TRIM16: variants seen among roughly 807,000 people sequenced by gnomAD.
TRIM16 encodes tripartite motif-containing protein 16.
Under a neutral mutation model 50.4 loss-of-function variants are expected in TRIM16, and 33 were observed. That is an observed-to-expected ratio of 0.65 (90% confidence interval 0.50 to 0.88). TRIM16 has a LOEUF of 0.88. TRIM16 is among the 40% of genes least tolerant of loss of function. The probability of loss-of-function intolerance (pLI) is 0.00; values close to 1 mark genes in which losing one functional copy is unlikely to be tolerated. For synonymous variants in TRIM16, 229 were observed against 270.7 expected, an observed-to-expected ratio of 0.85 and a Z score of 1.51; for missense variants, 581 against 686.8, an observed-to-expected ratio of 0.85 and a Z score of 1.72.
intron 10 of TRIM16, 27 bp downstream of exon 10, chr17:15,632,482 T>G (rs1484148513): frequency 6.3e-7 from 1 of 1,597,114 alleles, no homozygotes; most frequent in South Asian, 1.1e-5. Context: ...ACACTCACTA[T>G]AGTCCATGGC....
Position 15,651,613 on chromosome 17 carries a change from G to A in TRIM16, c.-4C>T, listed in dbSNP as rs985572194. The A allele has an allele frequency of 6.2e-7, 1 of 1,612,972 alleles. No individual in the cohort carries two copies. The highest frequency in any genetic ancestry group is 8.5e-7 in the Non-Finnish European group (1 of 1,179,534). ...CCATTAGATCCAACTCAGCCATCTG[G>A]GAGGCTCTGCTCCTAGGCTGTCTTT... On this transcript the variant is annotated 5_prime_UTR_variant, in exon 7 of 12. Coordinates refer to ENST00000649191, the MANE Select transcript of TRIM16 (RefSeq NM_001348119.1).
At chr17:15,663,253 GC>G (rs1158228735) in intron 6 of TRIM16, among the ~76,000 whole-genome samples, 3 of 152,100 alleles carry the variant, frequency 2.0e-5, no homozygotes, top group Admixed American at 2.0e-4. Flanking sequence ...ATTTGCACGT[GC>G]CACTCTCCTC....
chr17:15,636,656 A>T (rs1986762392), intron 8 of TRIM16, among the ~76,000 whole-genome samples: 1 of 141,488 alleles, frequency 7.1e-6, no homozygotes, highest in Admixed American at 6.9e-5. Flanking sequence ...TTGTATAATC[A>T]GCATGAATTA....
rs200260674 is a variant in TRIM16, at chr17:15,628,718, T to C, written c.1592A>G (p.Tyr531Cys). Residue 531 changes from tyrosine (Y) to cysteine (C), a missense_variant, in exon 12 of 12, where the codon TAT becomes TGT. Physicochemically the swap from Tyr to Cys is radical, Grantham distance 194. Around this residue, in one of 3 missense-constraint regions of TRIM16, gnomAD observed 115 missense variants for 106.7 expected, o/e 1.08. Transcript: ENST00000649191. ...KFACKFSEPV[Y>C]AAFWLSKKEN... ...CTTCTTGGAAAGCCAGAAGGCAGCA[T>C]AGACTGGTTCTGAAAATTTGCAGGC... The C allele has an allele frequency of 6.2e-6, 10 of 1,614,178 alleles. No individual in the cohort carries two copies. The highest frequency in any genetic ancestry group is 1.7e-5 in the Admixed American group (1 of 60,024).
At chr17:15,639,047 T>TC (rs1986995127) in intron 8 of TRIM16, among the ~76,000 whole-genome samples, 1 of 82,852 alleles carries the variant, frequency 1.2e-5, no homozygotes, top group African/African-American at 9.6e-5. Flanking sequence ...CTCTCTCTCT[T>TC]TTTTTTTTTT....
At position 15,679,953 on chromosome 17, in the gene TRIM16, A is replaced by G. The variant is rs1192505747; in HGVS notation, c.-590+912T>C. 1.3e-4 allele frequency among the ~76,000 whole-genome samples: 19 copies of G among 148,662 alleles called. No individual in the cohort carries two copies. In the East Asian group the frequency reaches 3.4e-3, roughly 26 times the overall value. ...CTATGTCTCAAAAAAAAAAAAAAAGAAAAAAAGAAATAAGCCAAGCTTGAG... is the reference window on the plus strand; with the variant it reads ...CTATGTCTCAAAAAAAAAAAAAAAGGAAAAAAGAAATAAGCCAAGCTTGAG... On this transcript the variant is annotated intron_variant, in intron 4 of 11. Transcript: ENST00000649191.
At chr17:15,677,836 G>A (rs1445748360) in intron 4 of TRIM16, 115 bp from the exon 5 acceptor site, 1 of 873,332 alleles carries the variant, frequency 1.1e-6, no homozygotes, top group Non-Finnish European at 1.4e-6. Flanking sequence ...GTATATTAAA[G>A]AATCTTAAAA....
rs538428649 is a variant in TRIM16 at position 15,673,410 on chromosome 17, C to T, written c.-338+3766G>A. On this transcript the variant is annotated intron_variant, in intron 6 of 11. Transcript: ENST00000649191. ...GTTAAATTTCAAGCTGTACTAACAC[C>T]GACTTCTTTAAACAGAAGAGAAGGA... Among the ~76,000 whole-genome samples the T allele has an allele frequency of 2.6e-5, 4 of 152,210 alleles. No individual in the cohort carries two copies. In the East Asian group the frequency reaches 7.7e-4, roughly 29 times the overall value.
At chr17:15,662,695 T>C (rs1988294661) in intron 6 of TRIM16, among the ~76,000 whole-genome samples, 1 of 152,234 alleles carries the variant, frequency 6.6e-6, no homozygotes, top group Admixed American at 6.5e-5. Flanking sequence ...CTACACATTC[T>C]GTGCAGGGAC....
chr17:15,683,636 C>G (rs1169390921), intron 1 of TRIM16: 3 of 157,950 alleles, frequency 1.9e-5, no homozygotes, highest in Non-Finnish European at 4.2e-5. Context: ...TCAACTGTTG[C>G]ATGTCAAAAT....
In TRIM16 at chr17:15,628,607, C is replaced by G. The variant is rs1356573215; in HGVS notation, c.*8G>C. ...GCTGGCAAAGGTCTGGGATATGGCT[C>G]CTGGAGTCTAGGGAGCAGTCCCCAC... On this transcript the variant is annotated 3_prime_UTR_variant, in exon 12 of 12. Transcript: ENST00000649191. The G allele has an allele frequency of 6.3e-7, 1 of 1,589,700 alleles. No homozygotes were observed. Among genetic ancestry groups the G allele is most frequent in the Non-Finnish European group, 8.6e-7 (1 of 1,165,998 alleles).
intron 7 of TRIM16, among the ~76,000 whole-genome samples, chr17:15,647,800 A>C (rs1987468666): frequency 6.9e-6 from 1 of 144,656 alleles, no homozygotes; most frequent in Non-Finnish European, 1.5e-5. Context: ...CAGTCATAGA[A>C]GGAGTCCAGA....
intron 7 of TRIM16, among the ~76,000 whole-genome samples, chr17:15,643,636 T>C (rs975644864): frequency 4.0e-5 from 6 of 150,464 alleles, no homozygotes; most frequent in Non-Finnish European, 8.9e-5. Flanking sequence ...TCACAGACCA[T>C]TGGTCACTCA....
At chr17:15,681,085 A>G in intron 3 of TRIM16, 132 bp from the exon 4 acceptor site, 2 of 750,434 alleles carry the variant, frequency 2.7e-6, no homozygotes, top group Non-Finnish European at 4.2e-6. Context: ...TTTTACAGAC[A>G]TCTATGTAAT....
At chr17:15,645,572 A>AG (rs1491470008) in intron 7 of TRIM16, among the ~76,000 whole-genome samples, 1 of 122,584 alleles carries the variant, frequency 8.2e-6, no homozygotes, top group Non-Finnish European at 1.6e-5. Flanking sequence ...AAAGAAAAAG[A>AG]AAAAAAAAAA....
intron 6 of TRIM16, among the ~76,000 whole-genome samples, chr17:15,656,668 T>C (rs1034029081): frequency 1.3e-5 from 2 of 152,156 alleles, no homozygotes; most frequent in South Asian, 4.1e-4. Context: ...CGCTTCTGGC[T>C]CCCAGCCTCC....
chr17:15,670,100 T>A (rs1455263639), intron 6 of TRIM16, among the ~76,000 whole-genome samples: 1 of 152,240 alleles, frequency 6.6e-6, no homozygotes, highest in Non-Finnish European at 1.5e-5. Context: ...AATTCCCTCA[T>A]GTCAGTTAGA....
chr17:15,640,096 C>G (rs1175372154), intron 8 of TRIM16, among the ~76,000 whole-genome samples: 1 of 149,290 alleles, frequency 6.7e-6, no homozygotes, highest in Admixed American at 6.6e-5. Context: ...ACTGATTTGC[C>G]CAAGATCACA....
intron 4 of TRIM16, among the ~76,000 whole-genome samples, chr17:15,679,203 A>C (rs1989075220): frequency 6.6e-6 from 1 of 152,050 alleles, no homozygotes; most frequent in African/African-American, 2.4e-5. Context: ...CTTAATATAC[A>C]CTGGCAAACT....
Sources: allele counts gnomAD v4.1 joint callset (sites outside exome capture counted in the v4.1 genomes callset), GRCh38; gene constraint gnomAD v4.1.1; regional missense constraint gnomAD v4.1.1; transcripts MANE v1.5; gene names NCBI Gene and HGNC (gene_info 2026-07-23, HGNC 2026-07-21).